Variants in MDGA2 observed in about 807,000 individuals in gnomAD.
MDGA2 encodes the protein MAM domain containing glycosylphosphatidylinositol anchor 2.
Under a neutral mutation model 117.8 loss-of-function variants are expected in MDGA2, and 40 were observed. The ratio of observed to expected loss-of-function variants is 0.34; its 90% CI spans 0.26 to 0.44. The LOEUF is 0.44. MDGA2 is among the 20% of genes least tolerant of loss of function. The probability of loss-of-function intolerance (pLI) is 1.00; values close to 1 mark genes in which losing one functional copy is unlikely to be tolerated. For synonymous variants in MDGA2, 452 were observed against 439.0 expected (o/e 1.03, Z -0.37); for missense variants, 1,123 against 1,250.6 (o/e 0.90, Z 1.54).
intron 1 of MDGA2, among the ~76,000 whole-genome samples, chr14:47,443,825 A>G (rs1464581683): frequency 1.3e-5 from 2 of 152,150 alleles, no homozygotes; most frequent in Admixed American, 6.5e-5. Context: ...TTCGGCATCC[A>G]TAAGAGAGAG....
rs112844787 is a variant in MDGA2, at chr14:47,348,139, G to GTCTC, written c.281-46593_281-46590dup. 9.8e-3 allele frequency among the ~76,000 whole-genome samples: 1,424 copies of GTCTC among 144,594 alleles called. 14 individuals are homozygous for GTCTC. Among genetic ancestry groups the GTCTC allele is most frequent in the East Asian group, 0.028 (130 of 4,726 alleles). 94.9% of individuals were successfully genotyped at this position (144,594 alleles called of 152,430 possible). A position where few individuals can be genotyped will look rare whatever the true frequency, so the allele number is the denominator to read the frequency against. ...GAAGAAAATAATTGTATTGTGCTCT[G>GTCTC]TCTCTCTCTCTCTCTCTCTCTCTGT... On this transcript the variant is annotated intron_variant, in intron 1 of 16. Coordinates refer to ENST00000399232, the MANE Select transcript of MDGA2 (RefSeq NM_001113498.3).
intron 5 of MDGA2, among the ~76,000 whole-genome samples, chr14:47,130,833 G>A (rs974433419): frequency 6.6e-6 from 1 of 152,064 alleles, no homozygotes; most frequent in African/African-American, 2.4e-5. Flanking sequence ...CACTTTTAGA[G>A]ATTTTTGTTT....
chr14:46,998,593 C>T (rs1887387165), intron 8 of MDGA2, among the ~76,000 whole-genome samples: 1 of 151,990 alleles, frequency 6.6e-6, no homozygotes, highest in South Asian at 2.1e-4. Flanking sequence ...ATGAGAAAAG[C>T]TCGTGGAAAG....
At position 47,218,176 on chromosome 14, in the gene MDGA2, G is replaced by T; in HGVS notation, c.440C>A (p.Ala147Glu). Residue 147 changes from alanine (A) to glutamate (E), a missense_variant, in exon 3 of 17, where the codon GCA becomes GAA. By Grantham distance (107) the Ala-to-Glu change is moderately radical (BLOSUM62 -1). This residue lies in a region of MDGA2 where 233 missense variants were observed against 200.3 expected (regional missense o/e 1.16). Transcript: ENST00000399232. ...TTGGAATCTGTCAGAGGCACTTCCT[G>T]CTGTTTTGGTCCACCTGATCTGAGC... ...PRPQIRWTKT[A>E]GSASDRFQDS... 1 of 1,548,166 alleles carries T rather than the reference G, an allele frequency of 6.5e-7. No individual in the cohort carries two copies. Among genetic ancestry groups the T allele is most frequent in the Non-Finnish European group, 8.7e-7 (1 of 1,145,136 alleles).
intron 6 of MDGA2, among the ~76,000 whole-genome samples, chr14:47,064,098 G>A (rs892879502): frequency 4.0e-5 from 6 of 151,864 alleles, no homozygotes; most frequent in Non-Finnish European, 8.8e-5. Flanking sequence ...AAAAATATTA[G>A]AGATTATAAA....
At chr14:46,954,435 T>C (rs887424643) in intron 9 of MDGA2, among the ~76,000 whole-genome samples, 13 of 152,028 alleles carry the variant, frequency 8.6e-5, no homozygotes, top group Admixed American at 5.9e-4. Context: ...ACAAAAACTA[T>C]CTTCTCACAA....
intron 16 of MDGA2, among the ~76,000 whole-genome samples, chr14:46,844,346 G>A (rs1880733289): frequency 1.3e-5 from 2 of 152,188 alleles, no homozygotes; most frequent in Admixed American, 1.3e-4. Context: ...TTGGGAGGCC[G>A]AGGCAGGTGG....
chr14:47,522,412 G>A (rs1027085375), intron 1 of MDGA2, among the ~76,000 whole-genome samples: 6 of 151,644 alleles, frequency 4.0e-5, no homozygotes, highest in African/African-American at 1.5e-4. Flanking sequence ...GAAATGCTAT[G>A]TTCAGTTGGA....
chr14:47,431,262 T>C (rs1215194612), intron 1 of MDGA2, among the ~76,000 whole-genome samples: 1 of 151,946 alleles, frequency 6.6e-6, no homozygotes, highest in Non-Finnish European at 1.5e-5. Context: ...CTCACTCAGC[T>C]TTGAAAATGG....
intron 12 of MDGA2, among the ~76,000 whole-genome samples, chr14:46,875,392 T>G (rs2138370655): frequency 6.6e-6 from 1 of 151,880 alleles, no homozygotes; most frequent in East Asian, 1.9e-4. Flanking sequence ...TTTGTTTTTG[T>G]TTTTTAGACG....
chr14:47,100,949 TA>T (rs1379847987), intron 5 of MDGA2, among the ~76,000 whole-genome samples: 1 of 152,002 alleles, frequency 6.6e-6, no homozygotes, highest in Non-Finnish European at 1.5e-5. Flanking sequence ...CAACATGTAA[TA>T]ATGGAAGGCA....
chr14:47,343,565 C>T (rs928496144), intron 1 of MDGA2, among the ~76,000 whole-genome samples: 6 of 151,926 alleles, frequency 3.9e-5, no homozygotes, highest in African/African-American at 1.5e-4. Context: ...AATTAACTGC[C>T]ACAGAGTAAA....
At chr14:47,467,439 T>C (rs573067066) in intron 1 of MDGA2, among the ~76,000 whole-genome samples, 1 of 152,236 alleles carries the variant, frequency 6.6e-6, no homozygotes, top group African/African-American at 2.4e-5. Context: ...ATAAGGCCTC[T>C]GGGGAAGGAG....
intron 1 of MDGA2, among the ~76,000 whole-genome samples, chr14:47,478,938 A>G (rs1893897654): frequency 6.6e-6 from 1 of 152,200 alleles, no homozygotes; most frequent in Non-Finnish European, 1.5e-5. Flanking sequence ...TTCGTGGGCA[A>G]GTCAGATTTT....
intron 10 of MDGA2, among the ~76,000 whole-genome samples, 180 bp downstream of exon 10, chr14:46,919,832 G>C (rs1048189191): frequency 6.6e-6 from 1 of 152,086 alleles, no homozygotes; most frequent in South Asian, 2.1e-4. Flanking sequence ...AAGTAAGTCG[G>C]AACAGTTTAT....
In MDGA2 at chr14:46,855,201, A is replaced by T. The variant is rs1002044015; in HGVS notation, c.2753-47T>A. 1 of 1,554,256 alleles carries T rather than the reference A, an allele frequency of 6.4e-7. No individual in the cohort carries two copies. Among genetic ancestry groups the T allele is most frequent in the Non-Finnish European group, 8.7e-7 (1 of 1,146,942 alleles). On this transcript the variant is annotated intron_variant, in intron 14 of 16. Coordinates refer to ENST00000399232, the MANE Select transcript of MDGA2 (RefSeq NM_001113498.3). This position sits in a 1 kb window ranked among gnomAD's most constrained non-coding sequence, Gnocchi z 4.1. ...TATTTTGCATATTCATTTTCACCTC[A>T]AATTTGTTTTTCCTTGACCAAACAC...
intron 5 of MDGA2, among the ~76,000 whole-genome samples, chr14:47,101,195 G>C (rs1880304062): frequency 6.6e-6 from 1 of 151,940 alleles, no homozygotes; most frequent in Admixed American, 6.6e-5. Context: ...TAAGAGAAGA[G>C]AGAAAGAAAA....
intron 8 of MDGA2, among the ~76,000 whole-genome samples, chr14:47,005,285 TA>T (rs1441418136): frequency 1.3e-5 from 2 of 151,586 alleles, no homozygotes; most frequent in African/African-American, 4.8e-5. Context: ...TCTAGTTATC[TA>T]AGAGGTTTTT....
At chr14:47,402,112 A>G (rs1892161659) in intron 1 of MDGA2, among the ~76,000 whole-genome samples, 1 of 152,128 alleles carries the variant, frequency 6.6e-6, no homozygotes, top group Admixed American at 6.5e-5. Flanking sequence ...ACCAAATTAA[A>G]TTTTCCTCAA....
Sources: gnomAD v4.1 joint callset for allele counts (sites outside exome capture counted in the v4.1 genomes callset) on GRCh38, gnomAD v4.1.1 for gene constraint, gnomAD v4.1.1 regional missense constraint, Gnocchi (gnomAD v3.1) non-coding constraint, MANE v1.5 for transcripts, NCBI Gene and HGNC (gene_info 2026-07-23, HGNC 2026-07-21) for gene names.